The following CDC40 variants were observed in gnomAD, a reference collection of about 807,000 sequenced individuals.
The protein encoded by CDC40 is cell division cycle 40.
In CDC40, 27 loss-of-function variants were observed where a neutral mutation model predicts 80.6. The observed-to-expected ratio is 0.33, with a 90% CI of 0.25 to 0.46. The LOEUF is 0.46. Ranked by LOEUF, CDC40 falls within the 20% of genes least tolerant of loss-of-function variation. The probability of loss-of-function intolerance (pLI) is 1.00; values close to 1 mark genes in which losing one functional copy is unlikely to be tolerated. For missense variants in CDC40, 486 were observed against 694.1 expected (o/e 0.70, Z 3.37); for synonymous variants, 221 against 232.6 (o/e 0.95, Z 0.45).
intron 12 of CDC40, among the ~76,000 whole-genome samples, chr6:110,221,306 A>C (rs1777773084): frequency 6.6e-6 from 1 of 152,204 alleles, no homozygotes; most frequent in Non-Finnish European, 1.5e-5. Context: ...GAAAGCCTTG[A>C]ATCACAGCCA....
At chr6:110,199,990 A>G (rs534358532) in intron 2 of CDC40, among the ~76,000 whole-genome samples, 150 of 152,332 alleles carry the variant, frequency 9.8e-4, no homozygotes, top group African/African-American at 3.4e-3. Flanking sequence ...GACTGAATGA[A>G]GTTGACTGCT....
intron 1 of CDC40, among the ~76,000 whole-genome samples, chr6:110,191,043 T>G (rs1327118276): frequency 6.6e-6 from 1 of 152,144 alleles, no homozygotes; most frequent in African/African-American, 2.4e-5. Flanking sequence ...ATGGGCAGTT[T>G]AGAGAGGAGA....
At chr6:110,204,659 C>CTTTTT (rs55895216) in intron 3 of CDC40, among the ~76,000 whole-genome samples, 4 of 119,270 alleles carry the variant, frequency 3.4e-5, no homozygotes, top group South Asian at 2.7e-4. Flanking sequence ...TCCTATTTCT[C>CTTTTT]TTTTTTTTTT....
At chr6:110,207,709 A>T in intron 4 of CDC40, 120 bp downstream of exon 4, 1 of 622,396 alleles carries the variant, frequency 1.6e-6, no homozygotes, top group Non-Finnish European at 2.9e-6. Context: ...TTAAAGTTGA[A>T]ACAATGGAGC....
rs760895838 is a variant in CDC40 at position 110,180,592 on chromosome 6, C to G, written c.148C>G (p.Leu50Val). The change falls in exon 1 of 15, where the codon CTA becomes GTA. Residue 50 changes from leucine to valine, a missense_variant. Physicochemically the swap from Leu to Val is conservative, Grantham distance 32. Coordinates refer to ENST00000307731, the MANE Select transcript of CDC40 (RefSeq NM_015891.3). The part of the protein sequence containing the change: ...LTKSPSSKPS[L>V]AVAVDSAPEV... ...TAAATCGCCTTCATCAAAGCCGTCT[C>G]TAGCAGTGGCAGTGGACTCGGCTCC... The G allele has an allele frequency of 1.2e-6, 2 of 1,614,178 alleles. No homozygotes were observed. The highest frequency in any genetic ancestry group is 4.5e-5 in the East Asian group (2 of 44,882).
At chr6:110,215,246 A>G in intron 8 of CDC40, 40 bp from the exon 9 acceptor site, 1 of 1,552,488 alleles carries the variant, frequency 6.4e-7, no homozygotes, top group Non-Finnish European at 8.9e-7. Context: ...GACCTTTATT[A>G]AATGTAATAT....
At chr6:110,193,152 T>A in intron 1 of CDC40, 30 bp from the exon 2 acceptor site, 3 of 1,312,756 alleles carry the variant, frequency 2.3e-6, no homozygotes, top group Non-Finnish European at 3.3e-6. Context: ...ATTTATCAGA[T>A]CATTAATATT....
intron 8 of CDC40, 100 bp from the exon 9 acceptor site, chr6:110,215,186 A>G (rs1777683383): frequency 3.5e-6 from 3 of 854,694 alleles, no homozygotes; most frequent in East Asian, 2.5e-5. Context: ...GTTTACACAC[A>G]CAGATGTGCA....
rs375233254 is a variant in CDC40, at chr6:110,180,432, A to T, written c.-13A>T. The stretch of plus-strand genomic sequence containing the variant: ...CGCCCTGGCAGGGTCTCCGCAGAAG[A>T]TTTGTTGCCGTCATGTCGGCTGCGA... On this transcript the variant is annotated 5_prime_UTR_variant, in exon 1 of 15. Transcript: ENST00000307731. The T allele has an allele frequency of 2.5e-6, 4 of 1,613,834 alleles. No individual in the cohort carries two copies. The highest frequency in any genetic ancestry group is 3.4e-6 in the Non-Finnish European group (4 of 1,179,960).
At chr6:110,214,094 C>CT (rs903290129) in intron 8 of CDC40, among the ~76,000 whole-genome samples, 10 of 152,042 alleles carry the variant, frequency 6.6e-5, no homozygotes, top group South Asian at 2.1e-4. Flanking sequence ...AAAAAGGCCA[C>CT]TTTTTTTTAT....
At position 110,230,841 on chromosome 6, in the gene CDC40, T is replaced by C. The variant is rs1315432663; in HGVS notation, c.*710T>C. On this transcript the variant is annotated 3_prime_UTR_variant, in exon 15 of 15. Transcript: ENST00000307731. Reference sequence around the variant, plus strand: ...TATCTGAAGATGGAGCTCAGGAGAATGCACCAAGACTTTGAATTGTATTTA... The same window carrying C: ...TATCTGAAGATGGAGCTCAGGAGAACGCACCAAGACTTTGAATTGTATTTA... The C allele has an allele frequency of 6.6e-6, 1 of 152,236 alleles. No individual in the cohort carries two copies. Among genetic ancestry groups the C allele is most frequent in the African/African-American group, 2.4e-5 (1 of 41,462 alleles). 9.4% of individuals were successfully genotyped at this position (152,236 alleles called of 1,614,324 possible).
intron 1 of CDC40, 52 bp downstream of exon 1, chr6:110,180,685 G>C: frequency 7.4e-7 from 1 of 1,345,468 alleles, no homozygotes; most frequent in East Asian, 2.3e-5. Flanking sequence ...TTCAGCTCCA[G>C]AACTGCCAGC....
chr6:110,209,063 A>ATTT (rs750937128), intron 4 of CDC40, 21 bp from the exon 5 acceptor site: 1 of 1,247,382 alleles, frequency 8.0e-7, no homozygotes, highest in South Asian at 1.5e-5. Flanking sequence ...TTTTTTTTTA[A>ATTT]TTTTTTTTTT....
intron 12 of CDC40, among the ~76,000 whole-genome samples, chr6:110,220,443 C>CTTTTTT (rs57659156): frequency 1.2e-4 from 7 of 60,782 alleles, no homozygotes; most frequent in African/African-American, 2.5e-4. Context: ...GAGAAAGGCA[C>CTTTTTT]TTTTTTTTTT....
At chr6:110,193,638 C>T (rs1180700552) in intron 2 of CDC40, among the ~76,000 whole-genome samples, 1 of 152,116 alleles carries the variant, frequency 6.6e-6, no homozygotes, top group Non-Finnish European at 1.5e-5. Context: ...ATCTCCTGAC[C>T]TCATGATCCG....
In CDC40 at chr6:110,230,350, T is replaced by C. The variant is rs572826567; in HGVS notation, c.*219T>C. 869 of 435,366 alleles carry C rather than the reference T, an allele frequency of 2.0e-3. 2 individuals are homozygous for C. Among genetic ancestry groups the C allele is most frequent in the Non-Finnish European group, 2.8e-3 (689 of 248,152 alleles). 27.0% of individuals were successfully genotyped at this position (435,366 alleles called of 1,614,324 possible). A position where few individuals can be genotyped will look rare whatever the true frequency, so the allele number is the denominator to read the frequency against. On this transcript the variant is annotated 3_prime_UTR_variant, in exon 15 of 15. Transcript: ENST00000307731. ...ATACAGAAAGTGGCTATTGACTTTC[T>C]ATTTGACAAGTAGTTATAATTGGCA...
At chr6:110,225,188 A>C (rs139388918) in intron 12 of CDC40, among the ~76,000 whole-genome samples, 1 of 152,184 alleles carries the variant, frequency 6.6e-6, no homozygotes, top group Non-Finnish European at 1.5e-5. Flanking sequence ...GCAAATTACT[A>C]TTATTTTCCA....
At chr6:110,219,540 A>C in intron 11 of CDC40, 61 bp downstream of exon 11, 1 of 1,122,662 alleles carries the variant, frequency 8.9e-7, no homozygotes, top group Non-Finnish European at 1.3e-6. Flanking sequence ...AGGGGATGGA[A>C]TAAGTTAATA....
intron 8 of CDC40, among the ~76,000 whole-genome samples, 198 bp downstream of exon 8, chr6:110,213,358 C>T (rs753525583): frequency 1.5e-4 from 23 of 151,762 alleles, no homozygotes; most frequent in Non-Finnish European, 2.8e-4. Flanking sequence ...TTGGCTAGGC[C>T]CCTTTTTTTG....
Sources: gnomAD v4.1 joint callset for allele counts (sites outside exome capture counted in the v4.1 genomes callset) on GRCh38, gnomAD v4.1.1 for gene constraint, MANE v1.5 for transcripts, NCBI Gene and HGNC (gene_info 2026-07-23, HGNC 2026-07-21) for gene names.